TLR2: variants seen among roughly 807,000 people sequenced by gnomAD.
TLR2 encodes toll-like receptor 2.
Under a neutral mutation model 9.1 loss-of-function variants are expected in TLR2, and 7 were observed. The ratio of observed to expected loss-of-function variants is 0.77; its 90% CI spans 0.44 to 1.44. The LOEUF (loss-of-function observed/expected upper bound fraction) is 1.44, where lower values mean the gene tolerates loss of function less well. Among genes scored for constraint, TLR2 ranks in the 40% most tolerant of loss-of-function variants. The pLI, the probability that TLR2 is intolerant of heterozygous loss-of-function variation, is 0.01. For synonymous variants in TLR2, 317 were observed against 344.6 expected, an observed-to-expected ratio of 0.92 and a Z score of 0.89; for missense variants, 812 against 904.6, an observed-to-expected ratio of 0.90 and a Z score of 1.31.
At chr4:153,702,279 C>T (rs1464041785) in intron 2 of TLR2, 1 of 152,234 alleles carries the variant, frequency 6.6e-6, no homozygotes, top group African/African-American at 2.4e-5. Context: ...AGCAAACCAC[C>T]TTGGTCTGCC....
Position 153,687,732 on chromosome 4 carries a change from ACTCCTAG to A in TLR2, c.-162-167_-162-161del, listed in dbSNP as rs540176271. ...ATTACACCATACCCAAATAAGGCAG[ACTCCTAG>A]CTGAAGCCAATCAGGTGATTACTAT... On this transcript the variant is annotated intron_variant, in intron 1 of 2. Coordinates refer to ENST00000642700, the MANE Select transcript of TLR2 (RefSeq NM_001318789.2). Among the ~76,000 whole-genome samples, 297 of 152,154 alleles carry A rather than the reference ACTCCTAG, an allele frequency of 2.0e-3. 1 individual carries two copies. The highest frequency in any genetic ancestry group is 5.9e-3 in the African/African-American group (246 of 41,510).
In TLR2 at chr4:153,704,295, A is replaced by T; in HGVS notation, c.1388A>T (p.Asp463Val). Residue 463 changes from aspartate to valine, a missense_variant, in exon 3 of 3, where the codon GAT becomes GTT. By Grantham distance (152) the Asp-to-Val change is radical. Transcript: ENST00000642700. ...GCIPKTLEIL[D>V]VSNNNLNLFS... Reference sequence around the variant, plus strand: ...ATTCCCAAGACACTGGAAATTTTAGATGTTAGCAACAACAATCTCAATTTA... The same window carrying T: ...ATTCCCAAGACACTGGAAATTTTAGTTGTTAGCAACAACAATCTCAATTTA... The T allele has an allele frequency of 6.2e-7, 1 of 1,614,062 alleles. No individual in the cohort carries two copies. Among genetic ancestry groups the T allele is most frequent in the Non-Finnish European group, 8.5e-7 (1 of 1,180,006 alleles).
In TLR2 at chr4:153,704,644, C is replaced by T. The variant is rs767134243; in HGVS notation, c.1737C>T (p.Arg579=). 2 of 1,613,424 alleles carry T rather than the reference C, an allele frequency of 1.2e-6. No homozygotes were observed. The highest frequency in any genetic ancestry group is 2.2e-5 in the South Asian group (2 of 91,046). The change falls in exon 3 of 3, where the codon CGC becomes CGT. Residue 579 remains arginine, a synonymous_variant. Coordinates refer to ENST00000642700, the MANE Select transcript of TLR2 (RefSeq NM_001318789.2). ...GTGGCCAGCAGGTTCAGGATGTCCG[C>T]CTCTCGGTGTCGGAATGTCACAGGA... ...HVRGQQVQDV[R]LSVSECHRTA... is the part of the protein sequence containing the mutation.
intron 2 of TLR2, among the ~76,000 whole-genome samples, chr4:153,697,072 TA>T (rs1333521998): frequency 6.6e-6 from 1 of 151,748 alleles, no homozygotes; most frequent in Non-Finnish European, 1.5e-5. Flanking sequence ...AGAGAAAGAG[TA>T]TAGAAGAAAA....
At position 153,703,768 on chromosome 4, in the gene TLR2, T is replaced by A; in HGVS notation, c.861T>A (p.Cys287Ter). 6.2e-7 allele frequency: 1 copy of A among 1,614,022 alleles called. No homozygotes were observed. Among genetic ancestry groups the A allele is most frequent in the Non-Finnish European group, 8.5e-7 (1 of 1,180,010 alleles). ...TGTTAGAATTAGAGTTTGATGACTG[T>A]ACCCTTAATGGAGTTGGTAATTTTA... ...SGLLELEFDD[C>*]TLNGVGNFRA... Residue 287 changes from cysteine (C) to a stop codon, truncating the protein, a stop_gained, in exon 3 of 3, where the codon TGT (cysteine) becomes TGA (stop). Transcript: ENST00000642700. LOFTEE classifies it low-confidence loss of function (END_TRUNC).
chr4:153,697,002 G>A (rs1479610894), intron 2 of TLR2, among the ~76,000 whole-genome samples: 2 of 151,982 alleles, frequency 1.3e-5, no homozygotes, highest in Non-Finnish European at 2.9e-5. Context: ...GTTTTGTTAA[G>A]GAAAAAATAA....
At chr4:153,708,344 TG>T (rs749311846), downstream of TLR2, among the ~76,000 whole-genome samples, 3 of 152,230 alleles carry the variant, frequency 2.0e-5, no homozygotes, top group Non-Finnish European at 4.4e-5. Context: ...ACTAATTTTT[TG>T]TTAGTGCTTT....
At chr4:153,685,682 G>A (rs1288123523) in intron 1 of TLR2, among the ~76,000 whole-genome samples, 1 of 152,176 alleles carries the variant, frequency 6.6e-6, no homozygotes, top group African/African-American at 2.4e-5. Flanking sequence ...GAAGTTGACA[G>A]CATGTTTTGG....
rs763011417 is a variant in TLR2 at position 153,703,448 on chromosome 4, A to T, written c.541A>T (p.Ile181Phe). ...AGLTFLEELEIDASDLQSYEP... is the reference protein window; with the variant it reads ...AGLTFLEELEFDASDLQSYEP... Reference sequence around the variant, plus strand: ...ACTTACCTTCCTTGAGGAACTTGAGATTGATGCTTCAGATCTACAGAGCTA... The same window carrying T: ...ACTTACCTTCCTTGAGGAACTTGAGTTTGATGCTTCAGATCTACAGAGCTA... Residue 181 changes from isoleucine to phenylalanine, a missense_variant, in exon 3 of 3, where the codon ATT (isoleucine) becomes TTT (phenylalanine). Physicochemically the swap from Ile to Phe is conservative, Grantham distance 21. Coordinates refer to ENST00000642700, the MANE Select transcript of TLR2 (RefSeq NM_001318789.2). 2.1e-5 allele frequency: 34 copies of T among 1,613,952 alleles called. 1 individual carries two copies. The highest frequency in any genetic ancestry group is 3.3e-4 in the Middle Eastern group (2 of 6,062).
Position 153,704,354 on chromosome 4 carries a change from T to A in TLR2, c.1447T>A (p.Tyr483Asn), listed in dbSNP as rs1737163412. 6.2e-7 allele frequency: 1 copy of A among 1,613,888 alleles called. No individual in the cohort carries two copies. Residue 483 changes from tyrosine (Y) to asparagine (N), a missense_variant, in exon 3 of 3, where the codon TAT becomes AAT. Tyr to Asn is a moderately radical substitution (Grantham distance 143). Transcript: ENST00000642700. ...GAATTTGCCGCAACTCAAAGAACTT[T>A]ATATTTCCAGAAATAAGTTGATGAC... ...SLNLPQLKEL[Y>N]ISRNKLMTLP...
At position 153,705,040 on chromosome 4, in the gene TLR2, G is replaced by C; in HGVS notation, c.2133G>C (p.Glu711Asp). 6.2e-7 allele frequency: 1 copy of C among 1,614,098 alleles called. No individual in the cohort carries two copies. Among genetic ancestry groups the C allele is most frequent in the Non-Finnish European group, 8.5e-7 (1 of 1,180,030 alleles). Residue 711 changes from glutamate (E) to aspartate (D), a missense_variant, in exon 3 of 3, where the codon GAG (glutamate) becomes GAC (aspartate). Glu to Asp is a conservative substitution (Grantham distance 45). Transcript: ENST00000642700. ...FVLSENFVKS[E>D]WCKYELDFSH... ...TTTCTGAAAACTTTGTGAAGAGTGAGTGGTGCAAGTATGAACTGGACTTCT... is the reference window on the plus strand; with the variant it reads ...TTTCTGAAAACTTTGTGAAGAGTGACTGGTGCAAGTATGAACTGGACTTCT...
Position 153,703,150 on chromosome 4 carries a change from G to A in TLR2, c.243G>A (p.Leu81=). The change falls in exon 3 of 3, where the codon CTG becomes CTA. Residue 81 remains leucine, a synonymous_variant. Transcript: ENST00000642700. The part of the protein sequence containing the change: ...DLQRCVNLQA[L]VLTSNGINTI... ...AGAGGTGTGTGAACCTCCAGGCTCT[G>A]GTGCTGACATCCAATGGAATTAACA... 1.2e-6 allele frequency: 2 copies of A among 1,614,090 alleles called. No homozygotes were observed. The highest frequency in any genetic ancestry group is 8.5e-7 in the Non-Finnish European group (1 of 1,180,014).
intron 2 of TLR2, chr4:153,702,150 C>A (rs955766635): frequency 6.6e-6 from 1 of 152,174 alleles, no homozygotes; most frequent in Non-Finnish European, 1.5e-5. Context: ...AGTTGTGGTG[C>A]AGATAGTTTT....
chr4:153,689,006 C>T (rs1578964764), intron 2 of TLR2, among the ~76,000 whole-genome samples: 1 of 152,186 alleles, frequency 6.6e-6, no homozygotes, highest in Non-Finnish European at 1.5e-5. Flanking sequence ...AAAGCACAAC[C>T]ATCATTGAAA....
At chr4:153,692,385 C>A (rs1043544347) in intron 2 of TLR2, among the ~76,000 whole-genome samples, 1 of 152,176 alleles carries the variant, frequency 6.6e-6, no homozygotes, top group Non-Finnish European at 1.5e-5. Flanking sequence ...AGCTATGTGT[C>A]CTTTTTCTAA....
At chr4:153,702,183 C>G (rs1160386193) in intron 2 of TLR2, 1 of 152,204 alleles carries the variant, frequency 6.6e-6, no homozygotes, top group African/African-American at 2.4e-5. Flanking sequence ...TTAATCTGAA[C>G]AGCCCATCCA....
At chr4:153,688,220 G>A (rs1192712821) in intron 2 of TLR2, 173 bp downstream of exon 2, 1 of 152,198 alleles carries the variant, frequency 6.6e-6, no homozygotes, top group Non-Finnish European at 1.5e-5. Context: ...AGAAGACAGG[G>A]AATCCTGGGC....
intron 2 of TLR2, among the ~76,000 whole-genome samples, chr4:153,694,167 G>A (rs186316628): frequency 3.0e-4 from 46 of 152,354 alleles, no homozygotes; most frequent in South Asian, 1.9e-3. Flanking sequence ...AAAACAAAGC[G>A]ATGGGCTCTG....
intron 2 of TLR2, among the ~76,000 whole-genome samples, chr4:153,689,417 G>A (rs544067537): frequency 6.6e-6 from 1 of 152,330 alleles, no homozygotes; most frequent in Admixed American, 6.5e-5. Flanking sequence ...ATGGCACGCA[G>A]ACTGAGAGGT....
Sources: gnomAD v4.1 joint callset for allele counts (sites outside exome capture counted in the v4.1 genomes callset) on GRCh38, gnomAD v4.1.1 for gene constraint, MANE v1.5 for transcripts, NCBI Gene and HGNC (gene_info 2026-07-23, HGNC 2026-07-21) for gene names.